Variants in NDST4 observed in about 807,000 individuals in gnomAD.
NDST4 encodes the protein N-deacetylase and N-sulfotransferase 4, also known as N-heparan sulfate sulfotransferase 4.
A neutral mutation model predicts 100.8 loss-of-function variants in NDST4; 63 were observed. That is an observed-to-expected ratio of 0.62 (90% confidence interval 0.51 to 0.77). NDST4 has a LOEUF of 0.77. NDST4 is among the 30% of genes least tolerant of loss of function. NDST4 has a pLI of 0.00. For missense variants in NDST4, 943 were observed against 1,018.4 expected (o/e 0.93, Z 1.01); for synonymous variants, 377 against 361.8 (o/e 1.04, Z -0.48).
rs114915802 is a variant in NDST4 at position 114,851,456 on chromosome 4, T to C, written c.1816+1269A>G. ...CATTTCCATACTGGTAGGTCAAATATGAAAATCTAAACGTATAGCTTAATG... is the reference window on the plus strand; with the variant it reads ...CATTTCCATACTGGTAGGTCAAATACGAAAATCTAAACGTATAGCTTAATG... On this transcript the variant is annotated intron_variant, in intron 8 of 13. Coordinates refer to ENST00000264363, the MANE Select transcript of NDST4 (RefSeq NM_022569.3). Among the ~76,000 whole-genome samples, 577 of 152,276 alleles carry C rather than the reference T, an allele frequency of 3.8e-3. 1 individual carries two copies. The highest frequency in any genetic ancestry group is 6.8e-3 in the Non-Finnish European group (465 of 68,012).
chr4:115,041,571 C>G (rs1393599013), intron 2 of NDST4, among the ~76,000 whole-genome samples: 1 of 151,980 alleles, frequency 6.6e-6, no homozygotes, highest in African/African-American at 2.4e-5. Flanking sequence ...AGGATTACCT[C>G]TGAATGAAAG....
chr4:114,918,123 T>C (rs1047265438), intron 6 of NDST4, among the ~76,000 whole-genome samples: 1 of 152,114 alleles, frequency 6.6e-6, no homozygotes, highest in East Asian at 1.9e-4. Context: ...GATCTTACTA[T>C]AACCATTTTG....
At position 115,077,059 on chromosome 4, in the gene NDST4, G is replaced by T. The variant is rs1251233696; in HGVS notation, c.-23C>A. 1 of 1,559,798 alleles carries T rather than the reference G, an allele frequency of 6.4e-7. No individual in the cohort carries two copies. The highest frequency in any genetic ancestry group is 8.6e-7 in the Non-Finnish European group (1 of 1,157,004). On this transcript the variant is annotated 5_prime_UTR_variant, in exon 2 of 14. Transcript: ENST00000264363. ...CATTTTTTAGAATAATGTTTTGGAA[G>T]CTTTTTCCCAATTTCGTTTCCTAAA...
At chr4:114,981,140 A>G (rs540238794) in intron 2 of NDST4, among the ~76,000 whole-genome samples, 2 of 152,162 alleles carry the variant, frequency 1.3e-5, no homozygotes, top group East Asian at 3.9e-4. Context: ...GGATCACTTT[A>G]GCCCAGGAGT....
Position 114,970,542 on chromosome 4 carries a change from G to T in NDST4, c.1109C>A (p.Ser370Tyr). 1.2e-6 allele frequency: 2 copies of T among 1,613,900 alleles called. No individual in the cohort carries two copies. Among genetic ancestry groups the T allele is most frequent in the Non-Finnish European group, 1.7e-6 (2 of 1,179,850 alleles). Residue 370 changes from serine to tyrosine, a missense_variant, in exon 4 of 14, where the codon TCT (serine) becomes TAT (tyrosine). Coordinates refer to ENST00000264363, the MANE Select transcript of NDST4 (RefSeq NM_022569.3). ...AGGAAACCACCAGAACTCATCCACA[G>T]ACCGAAGTAAAAGGTCATCTCCTTC... is the stretch of plus-strand genomic sequence containing the variant. ...EDEGDDLLLR[S>Y]VDEFWWFPHM...
At chr4:114,921,180 T>A (rs1560813310) in intron 6 of NDST4, among the ~76,000 whole-genome samples, 4 of 152,146 alleles carry the variant, frequency 2.6e-5, no homozygotes, top group Non-Finnish European at 5.9e-5. Flanking sequence ...CAAAAACATC[T>A]GAGGTATTTT....
intron 11 of NDST4, among the ~76,000 whole-genome samples, chr4:114,834,513 C>CAAAAAAAAAAAA (rs869097688): frequency 1.6e-5 from 1 of 63,838 alleles, no homozygotes; most frequent in Non-Finnish European, 3.7e-5. Context: ...GACTCCATCT[C>CAAAAAAAAAAAA]AAAAAAAAAA....
chr4:114,929,113 C>CATCCATCCATCTATCTATCT (rs1578395038), intron 6 of NDST4, among the ~76,000 whole-genome samples: 10 of 117,484 alleles, frequency 8.5e-5, no homozygotes, highest in East Asian at 4.9e-4. Flanking sequence ...TCCATCCATC[C>CATCCATCCATCTATCTATCT]ATCTATCTAT....
At chr4:114,921,376 T>TTTGTA (rs1725282303) in intron 6 of NDST4, among the ~76,000 whole-genome samples, 1 of 152,152 alleles carries the variant, frequency 6.6e-6, no homozygotes, top group Admixed American at 6.5e-5. Context: ...TGTAATGAAC[T>TTTGTA]AAAAGCCTTT....
chr4:114,989,888 A>G (rs1312498658), intron 2 of NDST4, among the ~76,000 whole-genome samples: 4 of 152,176 alleles, frequency 2.6e-5, no homozygotes, highest in African/African-American at 9.6e-5. Flanking sequence ...TATGTATCAG[A>G]TGAACACTGT....
intron 6 of NDST4, among the ~76,000 whole-genome samples, chr4:114,884,848 T>C (rs772659581): frequency 2.6e-5 from 4 of 152,158 alleles, no homozygotes; most frequent in Non-Finnish European, 4.4e-5. Context: ...AGATGATGTT[T>C]AAAAATAGAG....
chr4:114,978,869 G>C (rs985115384), intron 2 of NDST4, among the ~76,000 whole-genome samples: 8 of 152,036 alleles, frequency 5.3e-5, no homozygotes, highest in African/African-American at 1.9e-4. Context: ...ATTTATCTGT[G>C]AAATGGGGTA....
At chr4:115,081,790 T>C (rs1729311454) in intron 1 of NDST4, among the ~76,000 whole-genome samples, 1 of 152,174 alleles carries the variant, frequency 6.6e-6, no homozygotes, top group South Asian at 2.1e-4. Flanking sequence ...ACAGAAACAT[T>C]TGAGAGCTTT....
chr4:114,827,859 G>A lies in NDST4; in HGVS notation c.2576C>T (p.Pro859Leu). 1.2e-6 allele frequency: 2 copies of A among 1,612,564 alleles called. No homozygotes were observed. The highest frequency in any genetic ancestry group is 2.2e-5 in the East Asian group (1 of 44,812). ...LSKLLHRLGQ[P>L]LPSWLRQELQ... ...TTCCTGTCTCAGCCACGATGGCAGAGGCTGTCCCAGTCTGTGTAGCAGTTT... is the reference window on the plus strand; with the variant it reads ...TTCCTGTCTCAGCCACGATGGCAGAAGCTGTCCCAGTCTGTGTAGCAGTTT... Residue 859 changes from proline (P) to leucine (L), a missense_variant, in exon 14 of 14, where the codon CCT becomes CTT. Pro to Leu is a moderately conservative substitution (Grantham distance 98). This residue lies in a region of NDST4 where 526 missense variants were observed against 634.1 expected (regional missense o/e 0.83). Transcript: ENST00000264363.
chr4:115,083,403 T>C (rs1729341716), intron 1 of NDST4, among the ~76,000 whole-genome samples: 1 of 152,090 alleles, frequency 6.6e-6, no homozygotes, highest in South Asian at 2.1e-4. Flanking sequence ...AAGGTTGCAG[T>C]GAGCTATGAT....
Position 115,076,267 on chromosome 4 carries a change from A to C in NDST4, c.770T>G (p.Ile257Ser), listed in dbSNP as rs763217743. ...LSSKTLFATV[I>S]QDLGLHDGIQ... The stretch of plus-strand genomic sequence containing the variant: ...TCCATCATGAAGCCCCAGATCCTGA[A>C]TCACCGTTGCAAAGAGTGTTTTGCT... The change falls in exon 2 of 14, where the codon ATT becomes AGT. Residue 257 changes from isoleucine to serine, a missense_variant. Transcript: ENST00000264363. The C allele has an allele frequency of 7.4e-6, 12 of 1,613,858 alleles. No individual in the cohort carries two copies. The highest frequency in any genetic ancestry group is 1.0e-5 in the Non-Finnish European group (12 of 1,179,938).
At chr4:114,855,661 T>G (rs1180086890) in intron 7 of NDST4, among the ~76,000 whole-genome samples, 1 of 152,162 alleles carries the variant, frequency 6.6e-6, no homozygotes, top group Non-Finnish European at 1.5e-5. Flanking sequence ...ATACCATGCA[T>G]TTTGGTTCCT....
At chr4:115,034,151 A>G (rs778338018) in intron 2 of NDST4, among the ~76,000 whole-genome samples, 3 of 152,136 alleles carry the variant, frequency 2.0e-5, no homozygotes, top group Non-Finnish European at 4.4e-5. Context: ...ATTCTTGAGT[A>G]GTAGCAGGTT....
At chr4:114,956,032 A>G (rs1292431662) in intron 4 of NDST4, 4 of 152,350 alleles carry the variant, frequency 2.6e-5, no homozygotes, top group African/African-American at 9.6e-5. Flanking sequence ...TTCCTCCACT[A>G]TGCAGCCCCA....
Sources: allele counts gnomAD v4.1 joint callset (sites outside exome capture counted in the v4.1 genomes callset), GRCh38; gene constraint gnomAD v4.1.1; regional missense constraint gnomAD v4.1.1; transcripts MANE v1.5; gene names NCBI Gene and HGNC (gene_info 2026-07-23, HGNC 2026-07-21).